Variants in ARID1B observed in about 807,000 individuals in gnomAD.
ARID1B encodes AT-rich interaction domain 1B.
A neutral mutation model predicts 212.3 loss-of-function variants in ARID1B; 30 were observed. The observed-to-expected ratio is 0.14, with a 90% CI of 0.11 to 0.19. The LOEUF (loss-of-function observed/expected upper bound fraction) is 0.19, where lower values mean the gene tolerates loss of function less well. Ranked by LOEUF, ARID1B falls within the 10% of genes least tolerant of loss-of-function variation. The pLI, the probability that ARID1B is intolerant of heterozygous loss-of-function variation, is 1.00. For missense variants in ARID1B, 2,891 were observed against 3,204.0 expected (o/e 0.90, Z 2.36); for synonymous variants, 1,402 against 1,301.7 (o/e 1.08, Z -1.66).
chr6:157,148,014 CA>C lies in ARID1B; in HGVS notation c.2762-607del, dbSNP rs1253211632. Reference sequence around the variant, plus strand: ...GTTTTCCGAGATGTGGCAGCCAGCACAAACCAGCTGCTCGATCTGGTACTCA... The same window carrying C: ...GTTTTCCGAGATGTGGCAGCCAGCACAACCAGCTGCTCGATCTGGTACTCA... On this transcript the variant is annotated intron_variant, in intron 7 of 19. Coordinates refer to ENST00000636930, the MANE Select transcript of ARID1B (RefSeq NM_001374828.1). This position sits in a 1 kb window ranked among gnomAD's most constrained non-coding sequence, Gnocchi z 5.6. Among the ~76,000 whole-genome samples, 2 of 148,176 alleles carry C rather than the reference CA, an allele frequency of 1.3e-5. No individual in the cohort carries two copies. Among genetic ancestry groups the C allele is most frequent in the African/African-American group, 5.1e-5 (2 of 39,532 alleles).
chr6:157,052,451 G>C (rs1782673778), intron 4 of ARID1B, among the ~76,000 whole-genome samples: 1 of 152,148 alleles, frequency 6.6e-6, no homozygotes, highest in South Asian at 2.1e-4. Flanking sequence ...CAATATAATT[G>C]GCACCTTTAT....
intron 9 of ARID1B, chr6:157,173,206 T>C (rs1791844464): frequency 6.6e-6 from 1 of 152,254 alleles, no homozygotes; most frequent in South Asian, 2.1e-4. Flanking sequence ...CTGCTGTATC[T>C]GCAATGAATG....
chr6:157,029,826 A>C (rs1780914018), intron 4 of ARID1B, among the ~76,000 whole-genome samples: 1 of 152,224 alleles, frequency 6.6e-6, no homozygotes, highest in South Asian at 2.1e-4. Flanking sequence ...CTTGTGGACC[A>C]TGGTAAGCAG....
chr6:156,841,198 G>T (rs1783877391), intron 2 of ARID1B, among the ~76,000 whole-genome samples: 1 of 152,156 alleles, frequency 6.6e-6, no homozygotes, highest in African/African-American at 2.4e-5. Context: ...GGCTTTTGAT[G>T]GCATTTTAGT....
rs1562494905 is a variant in ARID1B, at chr6:156,934,958, AT to A, written c.2137-507del. ...TATATATATATATATATATATATAT[AT>A]ATAGTTTATATTTCTGCTGTTATTC... On this transcript the variant is annotated intron_variant, in intron 3 of 19. Coordinates refer to ENST00000636930, the MANE Select transcript of ARID1B (RefSeq NM_001374828.1). Among the ~76,000 whole-genome samples the A allele has an allele frequency of 1.8e-3, 142 of 78,304 alleles. 3 individuals carry two copies. The highest frequency in any genetic ancestry group is 5.1e-3 in the African/African-American group (108 of 21,148). 51.4% of individuals were successfully genotyped at this position (78,304 alleles called of 152,430 possible).
chr6:156,785,007 T>C (rs916096742), intron 1 of ARID1B, among the ~76,000 whole-genome samples: 1 of 152,142 alleles, frequency 6.6e-6, no homozygotes, highest in African/African-American at 2.4e-5. Flanking sequence ...TGATCCACCC[T>C]CCTCGGCCTC....
At chr6:156,979,958 G>A (rs907600544) in intron 4 of ARID1B, among the ~76,000 whole-genome samples, 4 of 152,018 alleles carry the variant, frequency 2.6e-5, no homozygotes, top group African/African-American at 4.8e-5. Context: ...GCTATGGCTC[G>A]GCTTCCCAAA....
At chr6:157,187,769 A>G (rs912004843) in intron 13 of ARID1B, among the ~76,000 whole-genome samples, 6 of 152,026 alleles carry the variant, frequency 3.9e-5, no homozygotes, top group African/African-American at 1.4e-4. Flanking sequence ...AAAGGAAAAA[A>G]AAAACACTGG....
chr6:157,151,896 A>T (rs977783810), intron 8 of ARID1B: 3 of 152,232 alleles, frequency 2.0e-5, no homozygotes, highest in African/African-American at 7.2e-5. Context: ...ATTTATTTAG[A>T]CAGAACAAAT....
chr6:157,167,067 G>A lies in ARID1B; in HGVS notation c.3117G>A (p.Gln1039=), dbSNP rs1198171206. The change falls in exon 9 of 20, where the codon CAG becomes CAA. Residue 1039 remains glutamine (Q), a synonymous_variant. Transcript: ENST00000636930. ...AAGGCAGTTTCCCCGGCATGAACCA[G>A]AGTGGACTTATGGCTTCCAGCTCTC... ...SRQGSFPGMN[Q]SGLMASSSPY... is the part of the protein sequence containing the mutation. 1 of 1,612,480 alleles carries A rather than the reference G, an allele frequency of 6.2e-7. No homozygotes were observed. The highest frequency in any genetic ancestry group is 1.1e-5 in the South Asian group (1 of 91,092).
intron 2 of ARID1B, among the ~76,000 whole-genome samples, chr6:156,898,723 G>A (rs891710822): frequency 1.3e-5 from 2 of 152,204 alleles, no homozygotes; most frequent in African/African-American, 4.8e-5. Flanking sequence ...TGTAATCCCA[G>A]CACTTTGGGA....
At chr6:157,182,121 C>T (rs1308292422) in intron 12 of ARID1B, among the ~76,000 whole-genome samples, 1 of 152,124 alleles carries the variant, frequency 6.6e-6, no homozygotes, top group East Asian at 1.9e-4. Context: ...TGGTGATGCA[C>T]ACCTACAGTC....
At chr6:156,942,352 A>G (rs943528540) in intron 4 of ARID1B, 2 of 152,206 alleles carry the variant, frequency 1.3e-5, no homozygotes, top group African/African-American at 4.8e-5. Flanking sequence ...TGCCATAACA[A>G]GTGAGGGATG....
intron 4 of ARID1B, among the ~76,000 whole-genome samples, chr6:156,997,852 C>T (rs1778686783): frequency 6.6e-6 from 1 of 152,098 alleles, no homozygotes; most frequent in Non-Finnish European, 1.5e-5. Context: ...TGGAAGACTG[C>T]AATTACACAA....
intron 4 of ARID1B, among the ~76,000 whole-genome samples, chr6:157,040,867 A>G (rs1781838629): frequency 6.6e-6 from 1 of 152,260 alleles, no homozygotes; most frequent in Non-Finnish European, 1.5e-5. Flanking sequence ...GCTGTTTCAC[A>G]GTATAGTAGA....
chr6:156,785,270 A>C (rs977376964), intron 1 of ARID1B, among the ~76,000 whole-genome samples: 6 of 152,344 alleles, frequency 3.9e-5, no homozygotes, highest in African/African-American at 1.2e-4. Context: ...TCTTATTTCC[A>C]TTATTAAAAT....
At chr6:156,923,797 T>A (rs535772906) in intron 3 of ARID1B, among the ~76,000 whole-genome samples, 1 of 151,690 alleles carries the variant, frequency 6.6e-6, no homozygotes, top group South Asian at 2.1e-4. Flanking sequence ...CTCTGCCTTC[T>A]CCCAGGTTCA....
intron 1 of ARID1B, among the ~76,000 whole-genome samples, chr6:156,807,116 C>T (rs987363213): frequency 2.6e-5 from 4 of 151,928 alleles, no homozygotes; most frequent in Admixed American, 6.6e-5. Context: ...TTTCCATTTC[C>T]AGTTCCGTCC....
At chr6:157,146,947 G>A (rs1299506730) in intron 7 of ARID1B, among the ~76,000 whole-genome samples, 3 of 152,124 alleles carry the variant, frequency 2.0e-5, no homozygotes, top group Non-Finnish European at 4.4e-5. Context: ...TTGAGCTTCA[G>A]TACTAATCTT....
Sources: allele counts gnomAD v4.1 joint callset (sites outside exome capture counted in the v4.1 genomes callset), GRCh38; gene constraint gnomAD v4.1.1; non-coding constraint Gnocchi (gnomAD v3.1); transcripts MANE v1.5; gene names NCBI Gene and HGNC (gene_info 2026-07-23, HGNC 2026-07-21).